The following ROBO2 variants were observed in gnomAD, a reference collection of about 807,000 sequenced individuals.
The protein encoded by ROBO2 is roundabout homolog 2.
Under a neutral mutation model 160.8 loss-of-function variants are expected in ROBO2, and 53 were observed. That is an observed-to-expected ratio of 0.33 (90% CI 0.26 to 0.41). The LOEUF is 0.41. ROBO2 is among the 10% of genes least tolerant of loss of function. ROBO2 has a pLI of 1.00. For synonymous variants in ROBO2, 664 were observed against 611.7 expected, an observed-to-expected ratio of 1.09 and a Z score of -1.26; for missense variants, 1,577 against 1,722.4, an observed-to-expected ratio of 0.92 and a Z score of 1.49.
intron 2 of ROBO2, among the ~76,000 whole-genome samples, chr3:77,221,564 C>A (rs1258084384): frequency 6.6e-6 from 1 of 152,082 alleles, no homozygotes; most frequent in Non-Finnish European, 1.5e-5. Context: ...CTGTTTTGGT[C>A]TCTCCCTAGA....
chr3:77,040,529 G>A, exon 1 of ROBO2: 1 of 1,369,960 alleles, frequency 7.3e-7, no homozygotes, highest in Non-Finnish European at 9.4e-7. Context: ...TGAATTTGTG[G>A]GAATTTAGGA....
intron 6 of ROBO2, among the ~76,000 whole-genome samples, chr3:77,530,212 A>C (rs992399594): frequency 6.6e-6 from 1 of 152,012 alleles, no homozygotes; most frequent in African/African-American, 2.4e-5. Flanking sequence ...AGAAATATGT[A>C]CCAAGCATAT....
intron 2 of ROBO2, among the ~76,000 whole-genome samples, chr3:76,827,579 G>C (rs980495311): frequency 6.6e-6 from 1 of 152,074 alleles, no homozygotes; most frequent in Admixed American, 6.6e-5. Context: ...ACATTACAGG[G>C]TTCAAGTTTA....
chr3:76,585,071 T>A (rs941316725), intron 2 of ROBO2, among the ~76,000 whole-genome samples: 1 of 152,136 alleles, frequency 6.6e-6, no homozygotes, highest in Non-Finnish European at 1.5e-5. Flanking sequence ...ATGAAAATAA[T>A]AGCAATCGCT....
In ROBO2 at chr3:76,030,463, T is replaced by C. The variant is rs537508548; in HGVS notation, c.109+92861T>C. On this transcript the variant is annotated intron_variant, in intron 2 of 26. Coordinates refer to the ROBO2 transcript ENST00000487694. ...GCCCATGCCTATGTCCTGAATGGTATTGCCCAGGTTTTCTTCTATGGTTTT... is the reference window on the plus strand; with the variant it reads ...GCCCATGCCTATGTCCTGAATGGTACTGCCCAGGTTTTCTTCTATGGTTTT... 2.0e-5 allele frequency among the ~76,000 whole-genome samples: 3 copies of C among 152,274 alleles called. No homozygotes were observed. The South Asian group carries it at 6.2e-4, about 32-fold the overall frequency.
At chr3:76,497,013 AG>A (rs1240500937) in intron 2 of ROBO2, among the ~76,000 whole-genome samples, 4 of 152,214 alleles carry the variant, frequency 2.6e-5, no homozygotes, top group Admixed American at 2.0e-4. Context: ...TGCTTTAAAA[AG>A]AAGCAAGTCT....
chr3:76,663,341 T>C (rs532059781), intron 2 of ROBO2, among the ~76,000 whole-genome samples: 2 of 152,272 alleles, frequency 1.3e-5, no homozygotes, highest in African/African-American at 4.8e-5. Flanking sequence ...CCACATGAAC[T>C]GCATGGCTCA....
chr3:77,193,483 T>C (rs910728304), intron 2 of ROBO2, among the ~76,000 whole-genome samples: 1 of 151,796 alleles, frequency 6.6e-6, no homozygotes, highest in Admixed American at 6.6e-5. Flanking sequence ...TCTTGCTATG[T>C]TGCCTAGGCT....
At chr3:77,212,845 G>C (rs1461627491) in intron 2 of ROBO2, among the ~76,000 whole-genome samples, 1 of 152,080 alleles carries the variant, frequency 6.6e-6, no homozygotes, top group Non-Finnish European at 1.5e-5. Flanking sequence ...TATGTTTTTT[G>C]TCTTTGGTTC....
At chr3:76,265,206 T>C (rs920538971) in intron 2 of ROBO2, among the ~76,000 whole-genome samples, 3 of 152,200 alleles carry the variant, frequency 2.0e-5, no homozygotes, top group African/African-American at 7.2e-5. Context: ...CCTCAGTCAG[T>C]CCTCTTCACC....
chr3:76,493,364 T>TATATATATATATATATATATATATAA (rs1491215318), intron 2 of ROBO2, among the ~76,000 whole-genome samples: 12 of 136,744 alleles, frequency 8.8e-5, no homozygotes, highest in African/African-American at 3.2e-4. Context: ...TATATATATA[T>TATATATATATATATATATATATATAA]AATTGTATAT....
chr3:77,084,367 A>G lies in ROBO2; in HGVS notation c.62-13647A>G, dbSNP rs372848790. Among the ~76,000 whole-genome samples the G allele has an allele frequency of 8.5e-5, 13 of 152,268 alleles. No individual in the cohort carries two copies. In the South Asian group the frequency reaches 2.3e-3, roughly 27 times the overall value. On this transcript the variant is annotated intron_variant, in intron 1 of 25. Transcript: ENST00000461745. ...GCTGGTTGTTTATAAGATCCAACTT[A>G]TCAGAGTTTGATATATTGAATATTT... is the stretch of plus-strand genomic sequence containing the variant.
intron 2 of ROBO2, among the ~76,000 whole-genome samples, chr3:76,980,060 T>A (rs554435875): frequency 6.6e-6 from 1 of 152,196 alleles, no homozygotes; most frequent in Non-Finnish European, 1.5e-5. Flanking sequence ...GGTACCATAC[T>A]GCAGGAAATA....
intron 2 of ROBO2, among the ~76,000 whole-genome samples, chr3:76,642,067 G>T (rs1213538379): frequency 6.6e-6 from 1 of 152,084 alleles, no homozygotes; most frequent in Non-Finnish European, 1.5e-5. Context: ...TGAACTCCAT[G>T]TACTATTTTT....
intron 2 of ROBO2, among the ~76,000 whole-genome samples, chr3:76,695,904 AC>A (rs578122073): frequency 1.2e-3 from 185 of 152,292 alleles, no homozygotes; most frequent in African/African-American, 4.2e-3. Context: ...GCAGTAGTGC[AC>A]ATTTGATTTG....
intron 1 of ROBO2, among the ~76,000 whole-genome samples, chr3:77,093,282 C>G (rs539163920): frequency 1.3e-5 from 2 of 152,096 alleles, no homozygotes. Flanking sequence ...TTGAGGGGCT[C>G]ACACTTTAGA....
intron 2 of ROBO2, among the ~76,000 whole-genome samples, chr3:77,028,639 G>A (rs1462569210): frequency 6.6e-6 from 1 of 152,254 alleles, no homozygotes; most frequent in Non-Finnish European, 1.5e-5. Context: ...AGAATCGCTT[G>A]AACCTGGGAG....
chr3:77,524,950 G>A (rs1278314413), intron 6 of ROBO2, among the ~76,000 whole-genome samples: 1 of 151,154 alleles, frequency 6.6e-6, no homozygotes, highest in Admixed American at 6.6e-5. Context: ...GCAATATAAT[G>A]TAGAGTAAAA....
At chr3:76,867,290 A>G (rs1195750914) in intron 2 of ROBO2, among the ~76,000 whole-genome samples, 1 of 152,210 alleles carries the variant, frequency 6.6e-6, no homozygotes, top group Non-Finnish European at 1.5e-5. Context: ...TAAGGAATAT[A>G]GGTTAATGGG....
Sources: allele counts gnomAD v4.1 joint callset (sites outside exome capture counted in the v4.1 genomes callset), GRCh38; gene constraint gnomAD v4.1.1; transcripts MANE v1.5; gene names NCBI Gene and HGNC (gene_info 2026-07-23, HGNC 2026-07-21).